The following RANBP2 variants were observed in gnomAD, a reference collection of about 807,000 sequenced individuals.
RANBP2 encodes E3 SUMO-protein ligase RanBP2.
Under a neutral mutation model 303.6 loss-of-function variants are expected in RANBP2, and 57 were observed. The ratio of observed to expected loss-of-function variants is 0.19; its 90% CI spans 0.15 to 0.23. The LOEUF (loss-of-function observed/expected upper bound fraction) is 0.23. RANBP2 is among the 10% of genes least tolerant of loss of function. The probability of loss-of-function intolerance (pLI) is 1.00; values close to 1 mark genes in which losing one functional copy is unlikely to be tolerated. For missense variants in RANBP2, 3,138 were observed against 3,780.8 expected (o/e 0.83, Z 4.46); for synonymous variants, 1,167 against 1,301.5 (o/e 0.90, Z 2.23).
chr2:109,399,501 C>A, the RANBP2 span, among the ~76,000 whole-genome samples: 1 of 151,700 alleles, frequency 6.6e-6, no homozygotes, highest in African/African-American at 2.4e-5. Context: ...AAAGGCTGGG[C>A]ACAGTGGCTC....
At chr2:109,374,870 A>T in the RANBP2 span, among the ~76,000 whole-genome samples, 3 of 152,162 alleles carry the variant, frequency 2.0e-5, no homozygotes, top group Non-Finnish European at 4.4e-5. Flanking sequence ...AGCTCAGGCC[A>T]TGATGCTAAG....
At chr2:109,260,536 C>T in the RANBP2 span, among the ~76,000 whole-genome samples, 8 of 152,266 alleles carry the variant, frequency 5.3e-5, no homozygotes, top group East Asian at 7.7e-4. Flanking sequence ...TCACTTGTAG[C>T]GTGGGCACAG....
chr2:108,821,516 C>T, the RANBP2 span, among the ~76,000 whole-genome samples: 1 of 151,662 alleles, frequency 6.6e-6, no homozygotes, highest in Non-Finnish European at 1.5e-5. Context: ...ACAGAATATA[C>T]ACAAAAGCAA....
At chr2:109,243,289 C>T in the RANBP2 span, among the ~76,000 whole-genome samples, 6,814 of 152,312 alleles carry the variant, frequency 0.045, 428 homozygotes, top group African/African-American at 0.14. Context: ...AGCCGTACAC[C>T]GCATGGATCC....
the RANBP2 span, among the ~76,000 whole-genome samples, chr2:109,602,621 G>A: frequency 8.8e-4 from 132 of 150,536 alleles, no homozygotes; most frequent in African/African-American, 3.2e-3. Context: ...GTTGCAGTGA[G>A]CCGAGATCGC....
At chr2:109,614,603 C>A in the RANBP2 span, 4 of 1,454,596 alleles carry the variant, frequency 2.7e-6, no homozygotes, top group South Asian at 1.3e-5. Context: ...TGCAGCACTT[C>A]AGGGGCGCCC....
At chr2:108,916,313 C>T in the RANBP2 span, among the ~76,000 whole-genome samples, 6 of 152,152 alleles carry the variant, frequency 3.9e-5, no homozygotes, top group Non-Finnish European at 5.9e-5. Context: ...CCCTTCCTGT[C>T]GGGGCTCGCA....
At position 108,765,932 on chromosome 2, in the gene RANBP2, C is replaced by G; in HGVS notation, c.5393C>G (p.Ser1798Cys). ...SVCCVQNESS[S>C]LKCVACDASK... ...TGCTGTGTACAAAATGAGAGTTCTT[C>G]CTTAAAATGTGTGGCTTGTGATGCC... Residue 1798 changes from serine (S) to cysteine (C), a missense_variant, in exon 20 of 29, where the codon TCC becomes TGC. This residue lies in a region of RANBP2 where 348 missense variants were observed against 360.4 expected (regional missense o/e 0.97). Transcript: ENST00000283195. 1.2e-6 allele frequency: 2 copies of G among 1,614,166 alleles called. No homozygotes were observed. The highest frequency in any genetic ancestry group is 1.7e-6 in the Non-Finnish European group (2 of 1,180,000).
chr2:108,872,240 C>A, the RANBP2 span, among the ~76,000 whole-genome samples: 1 of 152,172 alleles, frequency 6.6e-6, no homozygotes, highest in African/African-American at 2.4e-5. Flanking sequence ...CTCCTCCCCC[C>A]ACCATAGCAT....
At chr2:109,127,685 A>G in the RANBP2 span, 1 of 152,186 alleles carries the variant, frequency 6.6e-6, no homozygotes, top group Non-Finnish European at 1.5e-5. Flanking sequence ...TCGCTACAAA[A>G]AATTTAAATT....
chr2:109,602,860 A>G, the RANBP2 span, among the ~76,000 whole-genome samples: 1 of 151,050 alleles, frequency 6.6e-6, no homozygotes, highest in Non-Finnish European at 1.5e-5. Flanking sequence ...GATACCCATT[A>G]AAAGGACTTA....
At chr2:109,054,481 C>A in the RANBP2 span, among the ~76,000 whole-genome samples, 8 of 151,934 alleles carry the variant, frequency 5.3e-5, no homozygotes, top group African/African-American at 1.7e-4. Context: ...CCGAGGTGGG[C>A]AGATCACGAG....
At chr2:109,577,909 T>C in the RANBP2 span, among the ~76,000 whole-genome samples, 1 of 90,012 alleles carries the variant, frequency 1.1e-5, no homozygotes, top group Non-Finnish European at 2.3e-5. Context: ...TGAGACTTTG[T>C]CTCAAAAAAA....
the RANBP2 span, among the ~76,000 whole-genome samples, chr2:109,029,932 TCTTGA>T: frequency 6.6e-6 from 1 of 152,208 alleles, no homozygotes; most frequent in African/African-American, 2.4e-5. Flanking sequence ...CTAATAACCC[TCTTGA>T]CTTGACAAGG....
chr2:109,301,879 C>T, the RANBP2 span, among the ~76,000 whole-genome samples: 81 of 152,304 alleles, frequency 5.3e-4, no homozygotes, highest in African/African-American at 1.6e-3. Context: ...GAAGTCTGTT[C>T]TCAAGGGTGT....
At chr2:109,104,202 G>A in the RANBP2 span, among the ~76,000 whole-genome samples, 2 of 151,988 alleles carry the variant, frequency 1.3e-5, no homozygotes, top group Non-Finnish European at 2.9e-5. Flanking sequence ...TTTCCTTCAG[G>A]GCCTGCTATC....
the RANBP2 span, among the ~76,000 whole-genome samples, chr2:109,680,544 G>T: frequency 6.6e-6 from 1 of 152,124 alleles, no homozygotes; most frequent in African/African-American, 2.4e-5. Flanking sequence ...ATCTCTTAAG[G>T]TTGTCAAAAA....
chr2:109,185,337 T>C, the RANBP2 span, among the ~76,000 whole-genome samples: 1 of 152,176 alleles, frequency 6.6e-6, no homozygotes, highest in Admixed American at 6.5e-5. Context: ...TTTTAAACAA[T>C]AAAAGATTGG....
the RANBP2 span, among the ~76,000 whole-genome samples, chr2:109,067,413 G>A: frequency 2.0e-5 from 3 of 152,146 alleles, no homozygotes; most frequent in South Asian, 2.1e-4. Context: ...CTGCTCTCTC[G>A]CAGCCCCGCC....
Sources: allele counts gnomAD v4.1 joint callset (sites outside exome capture counted in the v4.1 genomes callset), GRCh38; gene constraint gnomAD v4.1.1; regional missense constraint gnomAD v4.1.1; transcripts MANE v1.5; gene names NCBI Gene and HGNC (gene_info 2026-07-23, HGNC 2026-07-21).